The following VWA5B1 variants were observed in gnomAD, a reference collection of about 807,000 sequenced individuals.
VWA5B1 encodes the protein von Willebrand factor A domain-containing protein 5B1.
Under a neutral mutation model 118.2 loss-of-function variants are expected in VWA5B1, and 115 were observed. The observed-to-expected ratio is 0.97, with a 90% CI of 0.84 to 1.14. The LOEUF (loss-of-function observed/expected upper bound fraction) is 1.14. Ranked by LOEUF, VWA5B1 falls within the 50% of genes most tolerant of loss-of-function variation. The probability of loss-of-function intolerance (pLI) is 0.00; values close to 1 mark genes in which losing one functional copy is unlikely to be tolerated. For synonymous variants in VWA5B1, 682 were observed against 658.4 expected, an observed-to-expected ratio of 1.04 and a Z score of -0.55; for missense variants, 1,596 against 1,603.8, an observed-to-expected ratio of 1.00 and a Z score of 0.08.
intron 7 of VWA5B1, 191 bp from the exon 8 acceptor site, chr1:20,323,164 CA>C: frequency 2.3e-6 from 1 of 427,990 alleles, no homozygotes; most frequent in Non-Finnish European, 3.9e-6. Flanking sequence ...TTTCTGTCTG[CA>C]AAGTCCATGC....
At chr1:20,318,322 T>G in intron 5 of VWA5B1, 1 of 511,916 alleles carries the variant, frequency 2.0e-6, no homozygotes, top group South Asian at 2.0e-5. Context: ...CTGGGATCAG[T>G]GCGTGCCCTA....
At chr1:20,332,633 C>A in intron 11 of VWA5B1, 133 bp from the exon 12 acceptor site, 1 of 894,722 alleles carries the variant, frequency 1.1e-6, no homozygotes, top group Non-Finnish European at 1.7e-6. Context: ...GTGCTCAGTG[C>A]TAGGCAAGTC....
intron 1 of VWA5B1, among the ~76,000 whole-genome samples, chr1:20,295,026 CA>C (rs2088378471): frequency 6.6e-6 from 1 of 152,160 alleles, no homozygotes; most frequent in South Asian, 2.1e-4. Flanking sequence ...GAGATTGTTA[CA>C]GCAGGATTTA....
intron 8 of VWA5B1, among the ~76,000 whole-genome samples, chr1:20,324,860 G>A (rs1459355084): frequency 6.6e-6 from 1 of 152,144 alleles, no homozygotes; most frequent in African/African-American, 2.4e-5. Context: ...GGGCTGATTG[G>A]CACCTTCTTC....
In VWA5B1 at chr1:20,330,897, G is replaced by T; in HGVS notation, c.1486G>T (p.Val496Phe). Residue 496 changes from valine (V) to phenylalanine (F), a missense_variant, in exon 11 of 22, where the codon GTC (valine) becomes TTC (phenylalanine). Transcript: ENST00000289815. ...CTATAGCTTTGGAATTGGACCCAAC[G>T]TCTGCCACAGACTGGTGAAAGGACT... ...RCYSFGIGPN[V>F]CHRLVKGLAS... The T allele has an allele frequency of 6.4e-7, 1 of 1,551,728 alleles. No homozygotes were observed. The highest frequency in any genetic ancestry group is 1.2e-5 in the South Asian group (1 of 84,062).
intron 12 of VWA5B1, among the ~76,000 whole-genome samples, 157 bp downstream of exon 12, chr1:20,333,108 G>A (rs530596371): frequency 1.3e-5 from 2 of 152,208 alleles, no homozygotes; most frequent in Non-Finnish European, 2.9e-5. Flanking sequence ...GTTTACAGTT[G>A]CCAGGCCACA....
chr1:20,291,355 T>TTCTTTCTTTC (rs2088297174), intron 1 of VWA5B1, among the ~76,000 whole-genome samples: 1 of 69,844 alleles, frequency 1.4e-5, no homozygotes, highest in African/African-American at 7.4e-5. Context: ...CTTTCTTTCT[T>TTCTTTCTTTC]TCTTTCTCTC....
chr1:20,342,537 T>C lies in VWA5B1; in HGVS notation c.2239T>C (p.Trp747Arg). 6.5e-7 allele frequency: 1 copy of C among 1,546,820 alleles called. No homozygotes were observed. Among genetic ancestry groups the C allele is most frequent in the Non-Finnish European group, 8.7e-7 (1 of 1,145,212 alleles). The change falls in exon 15 of 22, where the codon TGG becomes CGG. Residue 747 changes from tryptophan (W) to arginine (R), a missense_variant. Transcript: ENST00000289815. ...LPQGCQPFLP[W>R]GQETQAWSPV... ...CCAAGGCTGCCAGCCCTTCCTGCCCTGGGGCCAGGAGACCCAGGCCTGGAG... is the reference window on the plus strand; with the variant it reads ...CCAAGGCTGCCAGCCCTTCCTGCCCCGGGGCCAGGAGACCCAGGCCTGGAG...
chr1:20,296,712 T>G (rs2088412966), intron 1 of VWA5B1, among the ~76,000 whole-genome samples: 1 of 152,276 alleles, frequency 6.6e-6, no homozygotes, highest in African/African-American at 2.4e-5. Flanking sequence ...CATAAGATTC[T>G]ATTTTCATAT....
In VWA5B1 at chr1:20,343,221, C is replaced by CG; in HGVS notation, c.2455dup (p.Asp819GlyfsTer78). 1 of 1,549,584 alleles carries CG rather than the reference C, an allele frequency of 6.5e-7. No homozygotes were observed. Among genetic ancestry groups the CG allele is most frequent in the Non-Finnish European group, 8.7e-7 (1 of 1,146,790 alleles). On this transcript the variant is annotated frameshift_variant, in exon 16 of 22. Coordinates refer to ENST00000289815, the MANE Select transcript of VWA5B1 (RefSeq NM_001039500.3). LOFTEE classifies it high-confidence loss of function. Reference sequence around the variant, plus strand: ...GCAAGGCCCTGGTCAAAGGCCTGCACGACAGCCAACGCCTGCAGTGGGAGG... The same window carrying CG: ...GCAAGGCCCTGGTCAAAGGCCTGCACGGACAGCCAACGCCTGCAGTGGGAGG...
chr1:20,291,620 C>T (rs2088307654), intron 1 of VWA5B1, among the ~76,000 whole-genome samples: 2 of 152,076 alleles, frequency 1.3e-5, no homozygotes, highest in Admixed American at 1.3e-4. Flanking sequence ...CATTTGTCCT[C>T]CAGAGCTCTG....
At position 20,336,435 on chromosome 1, in the gene VWA5B1, G is replaced by T; in HGVS notation, c.1891G>T (p.Gly631Trp). ...AKNSGAPFILGQAKNARLASG... is the reference protein window; with the variant it reads ...AKNSGAPFILWQAKNARLASG... ...GAACTCGGGGGCACCCTTCATCCTA[G>T]GGCAGGCCAAAAATGCCCGGCTAGC... Residue 631 changes from glycine (G) to tryptophan (W), a missense_variant, in exon 13 of 22, where the codon GGG becomes TGG. Physicochemically the swap from Gly to Trp is radical, Grantham distance 184 (BLOSUM62 -2). Transcript: ENST00000289815. The T allele has an allele frequency of 6.7e-7, 1 of 1,503,670 alleles. No homozygotes were observed. The highest frequency in any genetic ancestry group is 8.9e-7 in the Non-Finnish European group (1 of 1,121,486). The allele number at this position is 1,503,670 out of a possible 1,614,324, so 93.1% of individuals were successfully genotyped here.
At chr1:20,321,125 A>AAC (rs949541239) in intron 7 of VWA5B1, among the ~76,000 whole-genome samples, 1 of 151,926 alleles carries the variant, frequency 6.6e-6, no homozygotes, top group East Asian at 1.9e-4. Flanking sequence ...AAAAAAAAAA[A>AAC]AAAACACGAA....
rs559310775 is a variant in VWA5B1, at chr1:20,341,986, CACAA to C, written c.2134-436_2134-433del. 5.2e-3 allele frequency among the ~76,000 whole-genome samples: 787 copies of C among 152,206 alleles called. 7 individuals carry two copies. The highest frequency in any genetic ancestry group is 0.038 in the South Asian group (185 of 4,812). The stretch of plus-strand genomic sequence containing the variant: ...TTCATGTAAATCAAAGATTTAAACA[CACAA>C]ACAAACAAAAATGAAATCCCAAAAA... On this transcript the variant is annotated intron_variant, in intron 14 of 21. Transcript: ENST00000289815.
At chr1:20,334,252 C>T (rs762120931) in intron 12 of VWA5B1, among the ~76,000 whole-genome samples, 22 of 152,234 alleles carry the variant, frequency 1.4e-4, no homozygotes, top group Middle Eastern at 3.4e-3. Context: ...AGTGTTCAGC[C>T]GCAGGGAGAA....
chr1:20,315,358 C>A (rs567828473), intron 4 of VWA5B1, among the ~76,000 whole-genome samples: 45 of 152,178 alleles, frequency 3.0e-4, no homozygotes, highest in Non-Finnish European at 4.9e-4. Flanking sequence ...AACAAGGAAC[C>A]ATTAAGAGGG....
intron 1 of VWA5B1, among the ~76,000 whole-genome samples, chr1:20,305,434 G>A (rs2088621782): frequency 6.6e-6 from 1 of 152,110 alleles, no homozygotes; most frequent in African/African-American, 2.4e-5. Flanking sequence ...AGCGCCAAGT[G>A]TTGACTAAAG....
intron 4 of VWA5B1, among the ~76,000 whole-genome samples, chr1:20,315,221 G>GA (rs1472448288): frequency 1.3e-5 from 2 of 152,224 alleles, no homozygotes; most frequent in Non-Finnish European, 2.9e-5. Flanking sequence ...AAGCAGCAGG[G>GA]ACAAAGGCCC....
chr1:20,310,284 T>G (rs2088807524), intron 1 of VWA5B1, among the ~76,000 whole-genome samples: 1 of 152,176 alleles, frequency 6.6e-6, no homozygotes, highest in African/African-American at 2.4e-5. Flanking sequence ...TGAGGCTCAC[T>G]GGGCTCTAGC....
Sources: gnomAD v4.1 joint callset for allele counts (sites outside exome capture counted in the v4.1 genomes callset) on GRCh38, gnomAD v4.1.1 for gene constraint, MANE v1.5 for transcripts, NCBI Gene and HGNC (gene_info 2026-07-23, HGNC 2026-07-21) for gene names.